SLC12A7: variants seen among roughly 807,000 people sequenced by gnomAD.
The protein encoded by SLC12A7 is K-Cl cotransporter 4.
A neutral mutation model predicts 120.6 loss-of-function variants in SLC12A7; 100 were observed. That is an observed-to-expected ratio of 0.83 (90% CI 0.71 to 0.98). SLC12A7 has a LOEUF of 0.98. Ranked by LOEUF, SLC12A7 falls within the 50% of genes least tolerant of loss-of-function variation. The pLI, the probability that SLC12A7 is intolerant of heterozygous loss-of-function variation, is 0.00. For missense variants in SLC12A7, 1,373 were observed against 1,548.1 expected, an observed-to-expected ratio of 0.89 and a Z score of 1.90; for synonymous variants, 760 against 678.0, an observed-to-expected ratio of 1.12 and a Z score of -1.88.
the SLC12A7 span, among the ~76,000 whole-genome samples, chr5:1,141,165 C>T: frequency 6.6e-6 from 1 of 152,204 alleles, no homozygotes; most frequent in South Asian, 2.1e-4. Context: ...TCTTGGCTTG[C>T]AGGCCCCAGC....
the SLC12A7 span, among the ~76,000 whole-genome samples, chr5:1,139,487 G>C: frequency 2.7e-3 from 411 of 152,406 alleles, 1 homozygote; most frequent in African/African-American, 9.3e-3. Flanking sequence ...GGCCTTGCCG[G>C]CTTGGCCTTC....
the SLC12A7 span, among the ~76,000 whole-genome samples, chr5:1,136,422 A>G: frequency 7.0e-6 from 1 of 143,394 alleles, no homozygotes; most frequent in Non-Finnish European, 1.5e-5. Context: ...ACACGCAGGC[A>G]CACGTGTGCT....
chr5:1,056,633 T>C, intron 22 of SLC12A7: 1 of 977,562 alleles, frequency 1.0e-6, no homozygotes, highest in Non-Finnish European at 1.2e-6. Flanking sequence ...TGTTACTGAC[T>C]TCAGGAGAGA....
intron 1 of SLC12A7, among the ~76,000 whole-genome samples, chr5:1,105,654 A>C (rs934069318): frequency 3.3e-5 from 5 of 152,238 alleles, no homozygotes; most frequent in African/African-American, 1.2e-4. Context: ...TGCCCCCAAA[A>C]GGGAGTTTCC....
At chr5:1,067,078 T>C (rs1485354435) in intron 17 of SLC12A7, among the ~76,000 whole-genome samples, 2 of 152,024 alleles carry the variant, frequency 1.3e-5, no homozygotes, top group African/African-American at 2.4e-5. Flanking sequence ...CAACATCCAA[T>C]GTTCTCCCAC....
intron 2 of SLC12A7, 88 bp from the exon 3 acceptor site, chr5:1,093,743 G>T: frequency 6.4e-7 from 1 of 1,562,644 alleles, no homozygotes; most frequent in African/African-American, 1.3e-5. Flanking sequence ...GTGGAGCTCA[G>T]GCCCTCCCCG....
chr5:1,080,912 G>A (rs539979278), intron 9 of SLC12A7, among the ~76,000 whole-genome samples: 18 of 152,274 alleles, frequency 1.2e-4, no homozygotes, highest in East Asian at 1.9e-4. Flanking sequence ...CCATCAGGAC[G>A]CAGGGCAGAG....
chr5:1,082,480 T>G (rs531788043), intron 8 of SLC12A7, among the ~76,000 whole-genome samples: 4 of 122,644 alleles, frequency 3.3e-5, no homozygotes, highest in Non-Finnish European at 5.1e-5. Context: ...TTCTGGAAAG[T>G]CCGGGCTTCC....
At chr5:1,139,708 C>G in the SLC12A7 span, among the ~76,000 whole-genome samples, 1 of 152,216 alleles carries the variant, frequency 6.6e-6, no homozygotes, top group Non-Finnish European at 1.5e-5. Context: ...GGGGTGGCCA[C>G]GGCCCACTTT....
In SLC12A7 at chr5:1,073,669, G is replaced by A. The variant is rs1259513745; in HGVS notation, c.2205C>T (p.Tyr735=). 1 of 1,603,632 alleles carries A rather than the reference G, an allele frequency of 6.2e-7. No individual in the cohort carries two copies. Among genetic ancestry groups the A allele is most frequent in the Non-Finnish European group, 8.5e-7 (1 of 1,175,660 alleles). The change falls in exon 17 of 24, where the codon TAC becomes TAT. Residue 735 remains tyrosine, a synonymous_variant. Transcript: ENST00000264930. Reference sequence around the variant, plus strand: ...GCTGAGCCTCCATGTGCTTGTCCAGGTACGTCCCCTCCAGCACCGAGCCCA... The same window carrying A: ...GCTGAGCCTCCATGTGCTTGTCCAGATACGTCCCCTCCAGCACCGAGCCCA... ...TIVGSVLEGT[Y]LDKHMEAQRA... is the part of the protein sequence containing the mutation.
chr5:1,075,890 C>G (rs898145799), intron 14 of SLC12A7: 5 of 533,714 alleles, frequency 9.4e-6, no homozygotes, highest in Non-Finnish European at 1.7e-5. Context: ...CATGCAGACA[C>G]CTGGGCATCC....
At chr5:1,129,326 C>T in the SLC12A7 span, among the ~76,000 whole-genome samples, 1 of 152,178 alleles carries the variant, frequency 6.6e-6, no homozygotes, top group Non-Finnish European at 1.5e-5. Context: ...CAGGTAACAC[C>T]CCCACCTCCG....
intron 15 of SLC12A7, among the ~76,000 whole-genome samples, chr5:1,074,949 G>A (rs1015285409): frequency 6.6e-6 from 1 of 152,070 alleles, no homozygotes; most frequent in Non-Finnish European, 1.5e-5. Context: ...GGAGGCCCAT[G>A]ACAGGGAAGT....
chr5:1,119,708 C>G, the SLC12A7 span, among the ~76,000 whole-genome samples: 8 of 152,384 alleles, frequency 5.2e-5, no homozygotes, highest in South Asian at 1.7e-3. Flanking sequence ...CAGCCCCATC[C>G]CAGGCACGCG....
chr5:1,074,495 C>T (rs2150828645), intron 16 of SLC12A7, 72 bp downstream of exon 16: 1 of 1,389,530 alleles, frequency 7.2e-7, no homozygotes, highest in South Asian at 1.3e-5. Flanking sequence ...CTCAAAGGTC[C>T]CCACTCAAAG....
intron 5 of SLC12A7, among the ~76,000 whole-genome samples, chr5:1,087,631 G>A (rs1004887099): frequency 9.9e-5 from 15 of 152,216 alleles, no homozygotes; most frequent in Non-Finnish European, 1.8e-4. Flanking sequence ...TCCTGAGGCC[G>A]GGGAAGTCCG....
intron 9 of SLC12A7, among the ~76,000 whole-genome samples, 177 bp from the exon 10 acceptor site, chr5:1,079,673 C>G (rs904769557): frequency 4.6e-5 from 7 of 152,180 alleles, no homozygotes; most frequent in Admixed American, 2.0e-4. Flanking sequence ...TGAGGGGATG[C>G]GGGCCCAGGC....
At chr5:1,108,719 G>T (rs976157545) in intron 1 of SLC12A7, among the ~76,000 whole-genome samples, 19 of 152,228 alleles carry the variant, frequency 1.2e-4, no homozygotes, top group African/African-American at 4.1e-4. Context: ...CCATTCCCAA[G>T]GGCAGTGCAG....
Sources: gnomAD v4.1 joint callset for allele counts (sites outside exome capture counted in the v4.1 genomes callset) on GRCh38, gnomAD v4.1.1 for gene constraint, MANE v1.5 for transcripts, NCBI Gene and HGNC (gene_info 2026-07-23, HGNC 2026-07-21) for gene names.